Variants in KHDC1 observed in about 807,000 individuals in gnomAD.
KHDC1 encodes KH homology domain-containing protein 1.
In KHDC1, 21 loss-of-function variants were observed where a neutral mutation model predicts 24.7. That is an observed-to-expected ratio of 0.85 (90% CI 0.60 to 1.23). KHDC1 has a LOEUF of 1.23. Among genes scored for constraint, KHDC1 ranks in the 50% most tolerant of loss-of-function variants. KHDC1 has a pLI of 0.00. For synonymous variants in KHDC1, 98 were observed against 111.7 expected, an observed-to-expected ratio of 0.88 and a Z score of 0.77; for missense variants, 274 against 298.5, an observed-to-expected ratio of 0.92 and a Z score of 0.61.
At chr6:73,291,850 G>A (rs1767656274) in intron 2 of KHDC1, 1 of 807,382 alleles carries the variant, frequency 1.2e-6, no homozygotes, top group Non-Finnish European at 2.0e-6. Flanking sequence ...CACACTGGAA[G>A]CCCAAACCTC....
intron 2 of KHDC1, among the ~76,000 whole-genome samples, chr6:73,282,216 TAAAAAAAA>T (rs34726760): frequency 1.0e-5 from 1 of 96,770 alleles, no homozygotes; most frequent in Non-Finnish European, 2.3e-5. Flanking sequence ...AGACTCTGTC[TAAAAAAAA>T]AAAAAAAAAA....
chr6:73,268,345 GGTGA>G (rs1458311412), intron 2 of KHDC1: 1 of 154,218 alleles, frequency 6.5e-6, no homozygotes, highest in Non-Finnish European at 1.4e-5. Context: ...AGACTTTCGC[GGTGA>G]GTGTTACAGC....
In KHDC1 at chr6:73,258,373, G is replaced by T. The variant is rs151198855; in HGVS notation, c.207-15843C>A. 3.3e-3 allele frequency among the ~76,000 whole-genome samples: 504 copies of T among 152,264 alleles called. 10 individuals are homozygous for T. Among genetic ancestry groups the T allele is most frequent in the Admixed American group, 0.028 (421 of 15,284 alleles). ...TGGAAGGATCACTTGAGCCTGGGAA[G>T]TTGAGGCTGCAGTGAGCCATGATTA... On this transcript the variant is annotated intron_variant, in intron 2 of 4. Coordinates refer to ENST00000370384, the Ensembl canonical transcript of KHDC1.
At chr6:73,265,858 G>A (rs1251891916) in intron 2 of KHDC1, among the ~76,000 whole-genome samples, 1 of 152,072 alleles carries the variant, frequency 6.6e-6, no homozygotes, top group Non-Finnish European at 1.5e-5. Context: ...AGGCAAAGGT[G>A]GGAGGATTGC....
At chr6:73,310,050 T>C in exon 1 of KHDC1, 1 of 264,486 alleles carries the variant, frequency 3.8e-6, no homozygotes, top group South Asian at 4.1e-5. Flanking sequence ...CGTTTTCCAA[T>C]AACCGACTGA....
At chr6:73,245,010 C>T (rs947721571) in intron 2 of KHDC1, among the ~76,000 whole-genome samples, 12 of 152,108 alleles carry the variant, frequency 7.9e-5, no homozygotes, top group African/African-American at 2.4e-4. Context: ...TTAGGTGGCA[C>T]GGAAATTCTG....
chr6:73,256,718 T>C (rs967353724), intron 2 of KHDC1, among the ~76,000 whole-genome samples: 3 of 152,208 alleles, frequency 2.0e-5, no homozygotes, highest in African/African-American at 7.2e-5. Flanking sequence ...ACGTGTCTCA[T>C]CTCATATAAT....
rs115135683 is a variant in KHDC1, at chr6:73,292,274, C to T, written c.164-234G>A. ...AGATCCAGAAACGACAAGGCAAATG[C>T]GGTCAACCAGGGATGGTAGGATGCT... On this transcript the variant is annotated intron_variant, in intron 1 of 4. Coordinates refer to ENST00000370384, the Ensembl canonical transcript of KHDC1. 2,664 of 1,291,224 alleles carry T rather than the reference C, an allele frequency of 2.1e-3. 38 individuals carry two copies. The African/African-American group carries it at 0.034, about 17-fold the overall frequency. The allele number at this position is 1,291,224 out of a possible 1,614,324, so 80.0% of individuals were successfully genotyped here. A position where few individuals can be genotyped will look rare whatever the true frequency, so the allele number is the denominator to read the frequency against.
intron 2 of KHDC1, chr6:73,263,096 C>A (rs1767014573): frequency 9.8e-7 from 1 of 1,023,872 alleles, no homozygotes; most frequent in Non-Finnish European, 1.2e-6. Flanking sequence ...GCAGGCCTGG[C>A]CGATTGTGAG....
intron 1 of KHDC1, among the ~76,000 whole-genome samples, chr6:73,309,150 T>C (rs1768031312): frequency 6.6e-6 from 1 of 152,250 alleles, no homozygotes; most frequent in South Asian, 2.1e-4. Flanking sequence ...TCTCAGGTGA[T>C]GCTGATTCTG....
chr6:73,264,842 T>C (rs1424686602), intron 2 of KHDC1, among the ~76,000 whole-genome samples: 1 of 152,162 alleles, frequency 6.6e-6, no homozygotes, highest in African/African-American at 2.4e-5. Flanking sequence ...CCTAATGACC[T>C]CGAAGGCCAG....
At chr6:73,286,903 G>C (rs1767533738) in intron 2 of KHDC1, among the ~76,000 whole-genome samples, 1 of 148,620 alleles carries the variant, frequency 6.7e-6, no homozygotes, top group Admixed American at 6.7e-5. Flanking sequence ...AAAAGAACCA[G>C]ATACTGCTTT....
At chr6:73,305,245 AAT>A (rs1221568256) in intron 1 of KHDC1, among the ~76,000 whole-genome samples, 1 of 151,922 alleles carries the variant, frequency 6.6e-6, no homozygotes, top group Non-Finnish European at 1.5e-5. Flanking sequence ...CCATCTCAAA[AAT>A]ATATATATAA....
intron 2 of KHDC1, chr6:73,274,000 C>G (rs1767233002): frequency 6.6e-6 from 1 of 152,000 alleles, no homozygotes; most frequent in Non-Finnish European, 1.5e-5. Context: ...ACCTGTAGTC[C>G]CAGCTACTTG....
intron 2 of KHDC1, among the ~76,000 whole-genome samples, chr6:73,251,794 CTTTTCTT>C: frequency 6.7e-6 from 1 of 148,288 alleles, no homozygotes; most frequent in Non-Finnish European, 1.5e-5. Context: ...CTTTTCTTTT[CTTTTCTT>C]TTTTTTTTTT....
chr6:73,255,993 G>A (rs1344121403), intron 2 of KHDC1, among the ~76,000 whole-genome samples: 1 of 151,518 alleles, frequency 6.6e-6, no homozygotes, highest in East Asian at 1.9e-4. Flanking sequence ...CGAGCCTGAA[G>A]TCTGAATGGA....
At chr6:73,257,156 G>A (rs1440066119) in intron 2 of KHDC1, among the ~76,000 whole-genome samples, 1 of 152,122 alleles carries the variant, frequency 6.6e-6, no homozygotes, top group East Asian at 1.9e-4. Flanking sequence ...AGCTGGGCAT[G>A]GTGGCATGCA....
chr6:73,263,280 G>A, intron 2 of KHDC1, 84 bp from the exon 1 acceptor site: 2 of 985,696 alleles, frequency 2.0e-6, no homozygotes, highest in East Asian at 1.1e-4. Flanking sequence ...GTAGGAGACA[G>A]CCTGCGGAGC....
At chr6:73,268,817 G>C (rs546683136) in intron 2 of KHDC1, 1 of 153,038 alleles carries the variant, frequency 6.5e-6, no homozygotes, top group African/African-American at 2.4e-5. Flanking sequence ...TCGCCTAGTG[G>C]ATCCTGCACC....
Sources: allele counts gnomAD v4.1 joint callset (sites outside exome capture counted in the v4.1 genomes callset), GRCh38; gene constraint gnomAD v4.1.1; transcripts MANE v1.5; gene names NCBI Gene and HGNC (gene_info 2026-07-23, HGNC 2026-07-21).